LIMS1: variants seen among roughly 807,000 people sequenced by gnomAD.
The protein encoded by LIMS1 is LIM and senescent cell antigen-like-containing domain protein 1.
LIMS1 carries 18 observed loss-of-function variants against 44.1 expected under a neutral mutation model. The observed-to-expected ratio is 0.41, with a 90% CI of 0.28 to 0.61. LIMS1 has a LOEUF of 0.61. Among genes scored for constraint, LIMS1 ranks in the 20% least tolerant of loss-of-function variants. The pLI is 0.32. For missense variants in LIMS1, 201 were observed against 422.0 expected, an observed-to-expected ratio of 0.48 and a Z score of 4.59; for synonymous variants, 93 against 149.1, an observed-to-expected ratio of 0.62 and a Z score of 2.74.
intron 1 of LIMS1, among the ~76,000 whole-genome samples, chr2:108,580,515 G>A (rs1329250180): frequency 6.6e-6 from 1 of 152,136 alleles, no homozygotes; most frequent in Non-Finnish European, 1.5e-5. Flanking sequence ...GTAGCTCAGA[G>A]AAGAGGTGGT....
intron 1 of LIMS1, among the ~76,000 whole-genome samples, chr2:108,585,461 T>C (rs1453083199): frequency 6.6e-6 from 1 of 152,114 alleles, no homozygotes. Context: ...ATCATGAGTT[T>C]GAGTTGCCTG....
intron 1 of LIMS1, among the ~76,000 whole-genome samples, chr2:108,569,826 C>G (rs138390001): frequency 7.3e-6 from 1 of 137,648 alleles, no homozygotes; most frequent in Non-Finnish European, 1.5e-5. Flanking sequence ...ATCTTGAACT[C>G]CTGGCCTCAG....
intron 1 of LIMS1, among the ~76,000 whole-genome samples, chr2:108,547,517 G>A (rs1165284547): frequency 6.6e-6 from 1 of 152,156 alleles, no homozygotes; most frequent in African/African-American, 2.4e-5. Flanking sequence ...CTAGCCAAGA[G>A]GGACTGTTGG....
At chr2:108,574,092 T>C (rs1316682501) in intron 1 of LIMS1, among the ~76,000 whole-genome samples, 1 of 152,096 alleles carries the variant, frequency 6.6e-6, no homozygotes, top group African/African-American at 2.4e-5. Flanking sequence ...AGGTGGAATT[T>C]ATGTGTGGAT....
chr2:108,583,700 C>CTTTTTTTTTTT lies in LIMS1; in HGVS notation c.32+49110_32+49120dup, dbSNP rs759827869. On this transcript the variant is annotated intron_variant, in intron 1 of 9. Transcript: ENST00000544547. ...TCCTGTTATTTTGTTGTTGCTGTTT[C>CTTTTTTTTTTT]TTTTTTTTTTTTTTGAGATGGAGTC... Among the ~76,000 whole-genome samples the CTTTTTTTTTTT allele has an allele frequency of 1.5e-4, 20 of 129,866 alleles. 2 individuals are homozygous for CTTTTTTTTTTT. The highest frequency in any genetic ancestry group is 2.5e-4 in the East Asian group (1 of 3,936). 85.2% of individuals were successfully genotyped at this position (129,866 alleles called of 152,430 possible).
intron 1 of LIMS1, among the ~76,000 whole-genome samples, chr2:108,593,544 A>G (rs1437523731): frequency 1.3e-5 from 2 of 152,230 alleles, no homozygotes; most frequent in East Asian, 1.9e-4. Context: ...GATTACGTCA[A>G]TTTACAATAA....
chr2:108,637,097 ATATGTGTGTGTGTGTGTGTG>A (rs1289759128), intron 1 of LIMS1, among the ~76,000 whole-genome samples: 55 of 132,128 alleles, frequency 4.2e-4, no homozygotes, highest in Admixed American at 2.0e-3. Flanking sequence ...AAATATACAT[ATATGTGTGTGTGTGTGTGTG>A]TGTGTGTGTG....
chr2:108,613,179 A>G (rs1467330113), intron 1 of LIMS1, among the ~76,000 whole-genome samples: 6 of 152,224 alleles, frequency 3.9e-5, no homozygotes, highest in East Asian at 1.9e-4. Flanking sequence ...AGGTACTCCA[A>G]CGTCAGTTGT....
chr2:108,648,445 T>C (rs974323461), intron 1 of LIMS1, among the ~76,000 whole-genome samples: 4 of 152,132 alleles, frequency 2.6e-5, no homozygotes, highest in Non-Finnish European at 5.9e-5. Flanking sequence ...CTTCACAGAA[T>C]TGGAAAAAAC....
At chr2:108,680,267 T>A (rs200047566) in intron 8 of LIMS1, among the ~76,000 whole-genome samples, 3 of 147,406 alleles carry the variant, frequency 2.0e-5, no homozygotes, top group Non-Finnish European at 4.4e-5. Flanking sequence ...CTTGGGAAAA[T>A]GAGGCAGGAG....
At chr2:108,588,214 C>A in intron 1 of LIMS1, 1 of 374,158 alleles carries the variant, frequency 2.7e-6, no homozygotes, top group Non-Finnish European at 3.7e-6. Context: ...CCTATTGCTT[C>A]AGAACAGTGG....
chr2:108,621,137 G>T (rs1018964151), intron 1 of LIMS1: 6 of 670,262 alleles, frequency 9.0e-6, no homozygotes, highest in Admixed American at 6.4e-5. Context: ...TCCCCAAGGT[G>T]CGAGGCCCAG....
intron 1 of LIMS1, among the ~76,000 whole-genome samples, chr2:108,541,386 C>T (rs1398583299): frequency 6.6e-6 from 1 of 152,192 alleles, no homozygotes; most frequent in East Asian, 1.9e-4. Flanking sequence ...TAGGCAGTTG[C>T]AGCTTTTGCC....
At chr2:108,551,608 G>GTA (rs1684710394) in intron 1 of LIMS1, among the ~76,000 whole-genome samples, 1 of 131,284 alleles carries the variant, frequency 7.6e-6, no homozygotes, top group East Asian at 2.1e-4. Flanking sequence ...ATATATATAT[G>GTA]TATATATATG....
At chr2:108,574,444 A>G (rs960134057) in intron 1 of LIMS1, among the ~76,000 whole-genome samples, 23 of 152,122 alleles carry the variant, frequency 1.5e-4, no homozygotes, top group African/African-American at 5.3e-4. Flanking sequence ...TCCACTGCCC[A>G]AGACTTACCT....
chr2:108,586,298 G>A (rs1335991851), intron 1 of LIMS1, among the ~76,000 whole-genome samples: 2 of 152,166 alleles, frequency 1.3e-5, no homozygotes, highest in East Asian at 3.8e-4. Flanking sequence ...TCATTTTAAC[G>A]TAGCAGAAAC....
At chr2:108,661,259 G>A (rs1220056780) in intron 2 of LIMS1, among the ~76,000 whole-genome samples, 2 of 149,094 alleles carry the variant, frequency 1.3e-5, no homozygotes, top group Non-Finnish European at 3.0e-5. Flanking sequence ...CTCCTATTGT[G>A]TCCCCAAAAC....
At chr2:108,658,803 A>G (rs1414263320) in intron 1 of LIMS1, among the ~76,000 whole-genome samples, 3 of 152,312 alleles carry the variant, frequency 2.0e-5, no homozygotes, top group Non-Finnish European at 2.9e-5. Context: ...ACGTGGTGGT[A>G]TCCCTGTCAT....
chr2:108,606,608 T>TGAA (rs1687280060), intron 1 of LIMS1, among the ~76,000 whole-genome samples: 1 of 152,246 alleles, frequency 6.6e-6, no homozygotes, highest in Non-Finnish European at 1.5e-5. Context: ...TTGCCAGGCT[T>TGAA]GAAGAGCTCA....
Sources: gnomAD v4.1 joint callset for allele counts (sites outside exome capture counted in the v4.1 genomes callset) on GRCh38, gnomAD v4.1.1 for gene constraint, MANE v1.5 for transcripts, NCBI Gene and HGNC (gene_info 2026-07-23, HGNC 2026-07-21) for gene names.